Variants in TSEN15 observed in about 807,000 individuals in gnomAD.
The protein encoded by TSEN15 is tRNA splicing endonuclease subunit 15, also known as tRNA-splicing endonuclease subunit Sen15.
TSEN15 carries 10 observed loss-of-function variants against 20.5 expected under a neutral mutation model. That is an observed-to-expected ratio of 0.49 (90% CI 0.30 to 0.83). The LOEUF (loss-of-function observed/expected upper bound fraction) is 0.83. Ranked by LOEUF, TSEN15 falls within the 40% of genes least tolerant of loss-of-function variation. The pLI, the probability that TSEN15 is intolerant of heterozygous loss-of-function variation, is 0.06. For synonymous variants in TSEN15, 72 were observed against 80.1 expected (o/e 0.90, Z 0.54); for missense variants, 180 against 218.6 (o/e 0.82, Z 1.11).
chr1:184,079,783 T>A (rs1207382923), intron 3 of TSEN15, among the ~76,000 whole-genome samples: 1 of 152,106 alleles, frequency 6.6e-6, no homozygotes, highest in Non-Finnish European at 1.5e-5. Flanking sequence ...CATAATGCAG[T>A]CCATATAAAC....
rs891196659 is a variant in TSEN15, at chr1:184,073,426, G to C, written c.*579G>C. Reference sequence around the variant, plus strand: ...AAAACTCAAAATATGTTCATCCAGAGTGTGTCTTAAGTAACTTACGTGTCT... The same window carrying C: ...AAAACTCAAAATATGTTCATCCAGACTGTGTCTTAAGTAACTTACGTGTCT... On this transcript the variant is annotated 3_prime_UTR_variant, in exon 5 of 5. Transcript: ENST00000645668. 6.6e-6 allele frequency: 1 copy of C among 152,606 alleles called. No individual in the cohort carries two copies. Among genetic ancestry groups the C allele is most frequent in the Admixed American group, 6.6e-5 (1 of 15,266 alleles). 9.5% of individuals were successfully genotyped at this position (152,606 alleles called of 1,614,324 possible).
intron 3 of TSEN15, among the ~76,000 whole-genome samples, chr1:184,085,069 C>T (rs1651236217): frequency 6.6e-6 from 1 of 151,972 alleles, no homozygotes; most frequent in African/African-American, 2.4e-5. Flanking sequence ...ACCAGCTATG[C>T]AGTGGGAGAC....
intron 3 of TSEN15, among the ~76,000 whole-genome samples, chr1:184,088,137 G>A (rs79902983): frequency 6.6e-6 from 1 of 152,258 alleles, no homozygotes; most frequent in Non-Finnish European, 1.5e-5. Flanking sequence ...CCTCTGAGCT[G>A]TGGGCACCAG....
intron 3 of TSEN15, among the ~76,000 whole-genome samples, chr1:184,088,939 C>T (rs1651311387): frequency 1.3e-5 from 2 of 152,128 alleles, no homozygotes; most frequent in Admixed American, 1.3e-4. Flanking sequence ...GCAAGGGTTG[C>T]AAACTAAAGT....
Position 184,070,200 on chromosome 1 carries a change from TG to T in TSEN15, c.354-1954del, listed in dbSNP as rs748173283. On this transcript the variant is annotated intron_variant, in intron 3 of 4. Coordinates refer to ENST00000645668, the MANE Select transcript of TSEN15 (RefSeq NM_052965.4). ...AATTTCTATTCTAAATTTCACTATATGGGCTACAATTCCCATATAGTTTTCC... is the reference window on the plus strand; with the variant it reads ...AATTTCTATTCTAAATTTCACTATATGGCTACAATTCCCATATAGTTTTCC... 1.1e-3 allele frequency among the ~76,000 whole-genome samples: 164 copies of T among 152,006 alleles called. 3 individuals carry two copies. Among genetic ancestry groups the T allele is most frequent in the Admixed American group, 3.3e-4 (5 of 15,244 alleles).
chr1:184,093,096 T>C (rs1051425132), intron 3 of TSEN15, among the ~76,000 whole-genome samples: 1 of 152,226 alleles, frequency 6.6e-6, no homozygotes, highest in African/African-American at 2.4e-5. Context: ...AAAATTTTCT[T>C]TCCGATCAAT....
At chr1:184,085,436 C>A (rs1322216577) in intron 3 of TSEN15, among the ~76,000 whole-genome samples, 1 of 152,112 alleles carries the variant, frequency 6.6e-6, no homozygotes, top group Admixed American at 6.5e-5. Flanking sequence ...GGGTGTTCCA[C>A]AAATATTTGT....
chr1:184,072,408 G>A, intron 4 of TSEN15, 110 bp downstream of exon 4: 2 of 1,003,016 alleles, frequency 2.0e-6, no homozygotes, highest in Middle Eastern at 2.9e-4. Context: ...TTGCCATAGG[G>A]AAAATTCAAG....
At chr1:184,081,902 C>A (rs551858078) in intron 3 of TSEN15, among the ~76,000 whole-genome samples, 37 of 152,226 alleles carry the variant, frequency 2.4e-4, no homozygotes, top group Non-Finnish European at 4.7e-4. Flanking sequence ...TTCTGATGCA[C>A]CAGATTGTTA....
chr1:184,060,658 A>G (rs1650419086), intron 3 of TSEN15, among the ~76,000 whole-genome samples: 2 of 152,240 alleles, frequency 1.3e-5, no homozygotes, highest in East Asian at 1.9e-4. Flanking sequence ...CCCTAGTGGT[A>G]TACGGGGTGT....
rs1651000821 is a variant in TSEN15 at position 184,073,995 on chromosome 1, C to T, written c.*1148C>T. Reference sequence around the variant, plus strand: ...AATTAGTAATGAATATTATTAAAAACATGAAAATATTACCTTAAGTAAAAA... The same window carrying T: ...AATTAGTAATGAATATTATTAAAAATATGAAAATATTACCTTAAGTAAAAA... On this transcript the variant is annotated 3_prime_UTR_variant, in exon 5 of 5. Transcript: ENST00000645668. The T allele has an allele frequency of 6.6e-6, 1 of 152,036 alleles. No homozygotes were observed. The highest frequency in any genetic ancestry group is 2.4e-5 in the African/African-American group (1 of 41,414). 9.4% of individuals were successfully genotyped at this position (152,036 alleles called of 1,614,324 possible).
At chr1:184,084,318 A>G (rs773409742) in intron 3 of TSEN15, among the ~76,000 whole-genome samples, 3 of 151,962 alleles carry the variant, frequency 2.0e-5, no homozygotes, top group Non-Finnish European at 4.4e-5. Flanking sequence ...AGTAGGACCT[A>G]GATGTTTAGC....
chr1:184,092,442 C>T (rs1174682930), intron 3 of TSEN15, among the ~76,000 whole-genome samples: 3 of 152,148 alleles, frequency 2.0e-5, no homozygotes, highest in African/African-American at 7.2e-5. Context: ...CAAATAACTG[C>T]AGTGGAAGAC....
At chr1:184,068,022 A>G (rs1190886577) in intron 3 of TSEN15, among the ~76,000 whole-genome samples, 4 of 145,568 alleles carry the variant, frequency 2.7e-5, no homozygotes, top group Non-Finnish European at 4.5e-5. Flanking sequence ...ATTTATCACC[A>G]TTTTCCACGC....
intron 3 of TSEN15, among the ~76,000 whole-genome samples, chr1:184,064,796 G>A (rs1006253574): frequency 6.6e-6 from 1 of 152,182 alleles, no homozygotes; most frequent in Non-Finnish European, 1.5e-5. Flanking sequence ...GGATATAGAT[G>A]TTTAGCTATT....
At chr1:184,085,513 T>G (rs959775956) in intron 3 of TSEN15, among the ~76,000 whole-genome samples, 4 of 152,094 alleles carry the variant, frequency 2.6e-5, no homozygotes, top group Non-Finnish European at 4.4e-5. Context: ...ATGAAGAACA[T>G]AAAGCAGGGT....
At position 184,073,957 on chromosome 1, in the gene TSEN15, T is replaced by G. The variant is rs1043225575; in HGVS notation, c.*1110T>G. On this transcript the variant is annotated 3_prime_UTR_variant, in exon 5 of 5. Coordinates refer to ENST00000645668, the MANE Select transcript of TSEN15 (RefSeq NM_052965.4). ...ACAGATATATACAAATGATACATAA[T>G]GTACTTATTAAAAATTAGTAATGAA... 2 of 152,120 alleles carry G rather than the reference T, an allele frequency of 1.3e-5. No homozygotes were observed. Among genetic ancestry groups the G allele is most frequent in the African/African-American group, 4.8e-5 (2 of 41,424 alleles). The allele number at this position is 152,120 out of a possible 1,614,324, so 9.4% of individuals were successfully genotyped here.
chr1:184,086,013 G>C (rs566808281), intron 3 of TSEN15, among the ~76,000 whole-genome samples: 1 of 152,326 alleles, frequency 6.6e-6, no homozygotes, highest in Non-Finnish European at 1.5e-5. Flanking sequence ...TGTATGCAAA[G>C]AGGGACATGA....
rs150927987 is a variant in TSEN15, at chr1:184,072,005, A to C, written c.354-152A>C. ...AACTTATTTGATACTATACCAGAAG[A>C]CTCTGATGTTATTTTTTAAAATTAT... On this transcript the variant is annotated intron_variant, in intron 3 of 4. Coordinates refer to ENST00000645668, the MANE Select transcript of TSEN15 (RefSeq NM_052965.4). The C allele has an allele frequency of 1.9e-3, 1,193 of 637,624 alleles. 8 individuals carry two copies. Among genetic ancestry groups the C allele is most frequent in the African/African-American group, 7.3e-3 (390 of 53,574 alleles). The allele number at this position is 637,624 out of a possible 1,614,324, so 39.5% of individuals were successfully genotyped here. A position where few individuals can be genotyped will look rare whatever the true frequency, so the allele number is the denominator to read the frequency against.
Sources: allele counts gnomAD v4.1 joint callset (sites outside exome capture counted in the v4.1 genomes callset), GRCh38; gene constraint gnomAD v4.1.1; transcripts MANE v1.5; gene names NCBI Gene and HGNC (gene_info 2026-07-23, HGNC 2026-07-21).